The following FAM47E variants were observed in gnomAD, a reference collection of about 807,000 sequenced individuals.
The protein encoded by FAM47E is family with sequence similarity 47 member E, also known as protein FAM47E.
Under a neutral mutation model 41.6 loss-of-function variants are expected in FAM47E, and 32 were observed. The ratio of observed to expected loss-of-function variants is 0.77; its 90% CI spans 0.58 to 1.03. FAM47E has a LOEUF of 1.03. Ranked by LOEUF, FAM47E falls within the 50% of genes least tolerant of loss-of-function variation. The probability of loss-of-function intolerance (pLI) is 0.00; values close to 1 mark genes in which losing one functional copy is unlikely to be tolerated. For synonymous variants in FAM47E, 184 were observed against 188.7 expected, an observed-to-expected ratio of 0.98 and a Z score of 0.20; for missense variants, 424 against 485.4, an observed-to-expected ratio of 0.87 and a Z score of 1.19.
At chr4:76,283,319 G>A (rs1735437338) in intron 7 of FAM47E, 62 bp from the exon 8 acceptor site, 2 of 913,396 alleles carry the variant, frequency 2.2e-6, no homozygotes, top group Admixed American at 2.2e-5. Flanking sequence ...TGGTTGTGGG[G>A]AGGACTGTAC....
At chr4:76,231,983 C>T (rs4859639) in intron 2 of FAM47E, among the ~76,000 whole-genome samples, 22,786 of 152,140 alleles carry the variant, frequency 0.15, 2,027 homozygotes, top group East Asian at 0.35. Flanking sequence ...CAATTGTGTC[C>T]CGTTGCAAGA....
chr4:76,226,547 G>C (rs550041932), intron 2 of FAM47E, among the ~76,000 whole-genome samples: 1 of 152,224 alleles, frequency 6.6e-6, no homozygotes, highest in East Asian at 1.9e-4. Context: ...AGTGCTGTGG[G>C]GCAGCCTTCC....
chr4:76,260,980 T>C (rs528451692), intron 2 of FAM47E, among the ~76,000 whole-genome samples: 1 of 148,844 alleles, frequency 6.7e-6, no homozygotes, highest in South Asian at 2.1e-4. Flanking sequence ...TGAGACCCTG[T>C]CTCAAAAAAA....
rs373420996 is a variant in FAM47E at position 76,243,500 on chromosome 4, T to G, written c.82-20204T>G. 2.0e-5 allele frequency among the ~76,000 whole-genome samples: 3 copies of G among 152,342 alleles called. No individual in the cohort carries two copies. The East Asian group carries it at 5.8e-4, about 29-fold the overall frequency. ...TTAGTATTTCATAACCCACAAAGCA[T>G]TCTTTGAATTGTATCTCATTGCCAC... On this transcript the variant is annotated intron_variant, in intron 2 of 7. Coordinates refer to the FAM47E transcript ENST00000510197.
intron 2 of FAM47E, among the ~76,000 whole-genome samples, chr4:76,227,689 T>G (rs1316353712): frequency 2.0e-5 from 3 of 152,202 alleles, no homozygotes; most frequent in Non-Finnish European, 4.4e-5. Context: ...ATACATGTTT[T>G]ATAAATTTGG....
At chr4:76,251,933 C>G (rs1017751432) in intron 1 of FAM47E, 113 bp downstream of exon 1, 92 of 1,262,758 alleles carry the variant, frequency 7.3e-5, no homozygotes, top group Non-Finnish European at 8.9e-5. Context: ...CCTGCCTTCC[C>G]TCCTCAATGC....
chr4:76,277,441 G>A (rs1019589816), intron 5 of FAM47E, among the ~76,000 whole-genome samples: 4 of 151,562 alleles, frequency 2.6e-5, no homozygotes, highest in Admixed American at 1.3e-4. Flanking sequence ...AGCCGAGATC[G>A]TGCCACTCAC....
At position 76,244,520 on chromosome 4, in the gene FAM47E, T is replaced by G. The variant is rs4859644; in HGVS notation, c.82-19184T>G. On this transcript the variant is annotated intron_variant, in intron 2 of 7. Transcript: ENST00000510197. ...ATGAGCATTTTTTCATATGTTTGTTTGCAGGCATTCTTCTTTTTTTTTTTT... is the reference window on the plus strand; with the variant it reads ...ATGAGCATTTTTTCATATGTTTGTTGGCAGGCATTCTTCTTTTTTTTTTTT... Among the ~76,000 whole-genome samples, 1,021 of 151,284 alleles carry G rather than the reference T, an allele frequency of 6.7e-3. 39 individuals are homozygous for G. In the East Asian group the frequency reaches 0.1, roughly 16 times the overall value.
At chr4:76,235,271 T>C (rs1578756971) in intron 2 of FAM47E, among the ~76,000 whole-genome samples, 3 of 152,044 alleles carry the variant, frequency 2.0e-5, no homozygotes, top group African/African-American at 7.2e-5. Context: ...TGAGCCGAGA[T>C]CGCACCGCTG....
intron 6 of FAM47E, 89 bp from the exon 7 acceptor site, chr4:76,280,175 A>C: frequency 1.3e-6 from 1 of 765,098 alleles, no homozygotes; most frequent in Admixed American, 2.7e-5. Flanking sequence ...GAGATACTTT[A>C]TAAGGAACTA....
intron 2 of FAM47E, chr4:76,236,136 C>G (rs1328410455): frequency 6.6e-6 from 1 of 151,896 alleles, no homozygotes; most frequent in African/African-American, 2.4e-5. Flanking sequence ...TTTAGTTGTC[C>G]CCACCCAACA....
intron 2 of FAM47E, among the ~76,000 whole-genome samples, chr4:76,257,012 C>T (rs1346155996): frequency 6.6e-6 from 1 of 152,162 alleles, no homozygotes; most frequent in Non-Finnish European, 1.5e-5. Flanking sequence ...TGGACAGCAG[C>T]AGCTCTGTGA....
At chr4:76,235,855 A>T (rs1415080521) in intron 2 of FAM47E, among the ~76,000 whole-genome samples, 4 of 152,230 alleles carry the variant, frequency 2.6e-5, no homozygotes, top group African/African-American at 9.7e-5. Flanking sequence ...TAATCAATTT[A>T]ATCCTCTCAC....
At chr4:76,262,935 A>C (rs1401779674) in intron 2 of FAM47E, among the ~76,000 whole-genome samples, 3 of 152,082 alleles carry the variant, frequency 2.0e-5, no homozygotes, top group Non-Finnish European at 4.4e-5. Context: ...CTAATTTAAA[A>C]AAATTTTTTA....
chr4:76,217,770 A>G, intron 2 of FAM47E: 1 of 425,248 alleles, frequency 2.4e-6, no homozygotes. Flanking sequence ...TGATCTCTCT[A>G]TACCTAAAAT....
intron 1 of FAM47E, among the ~76,000 whole-genome samples, chr4:76,215,597 A>G (rs1733191705): frequency 6.6e-6 from 1 of 152,184 alleles, no homozygotes; most frequent in African/African-American, 2.4e-5. Flanking sequence ...AACCAATAGA[A>G]TACAGTGGAA....
At chr4:76,250,762 A>C (rs1733940041), upstream of FAM47E, among the ~76,000 whole-genome samples, 1 of 152,220 alleles carries the variant, frequency 6.6e-6, no homozygotes. Context: ...TTACCTACAT[A>C]GCTTTCTCCA....
chr4:76,261,099 G>A (rs557046045), intron 2 of FAM47E, among the ~76,000 whole-genome samples: 8 of 151,668 alleles, frequency 5.3e-5, no homozygotes, highest in Admixed American at 3.9e-4. Flanking sequence ...GAGAAAAGCC[G>A]ATTAAAACCA....
upstream of FAM47E, among the ~76,000 whole-genome samples, chr4:76,247,240 G>A (rs1168790596): frequency 6.6e-6 from 1 of 151,984 alleles, no homozygotes; most frequent in Non-Finnish European, 1.5e-5. Context: ...CACTTAGCAT[G>A]TTTTCAGGGT....
Sources: allele counts gnomAD v4.1 joint callset (sites outside exome capture counted in the v4.1 genomes callset), GRCh38; gene constraint gnomAD v4.1.1; transcripts MANE v1.5; gene names NCBI Gene and HGNC (gene_info 2026-07-23, HGNC 2026-07-21).